The following ARL9 variants were observed in gnomAD, a reference collection of about 807,000 sequenced individuals.
ARL9 encodes the protein ARF like GTPase 9, also known as ADP-ribosylation factor-like protein 9.
Under a neutral mutation model 27.0 loss-of-function variants are expected in ARL9, and 14 were observed. That is an observed-to-expected ratio of 0.52 (90% CI 0.34 to 0.81). ARL9 has a LOEUF of 0.81. Among genes scored for constraint, ARL9 ranks in the 30% least tolerant of loss-of-function variants. ARL9 has a pLI of 0.01. For synonymous variants in ARL9, 106 were observed against 108.7 expected, an observed-to-expected ratio of 0.98 and a Z score of 0.15; for missense variants, 294 against 290.0, an observed-to-expected ratio of 1.01 and a Z score of -0.10.
rs1444307970 is a variant in ARL9 at position 56,523,810 on chromosome 4, A to C, written c.732A>C (p.Ser244=). 3.7e-6 allele frequency: 6 copies of C among 1,613,926 alleles called. No individual in the cohort carries two copies. Among genetic ancestry groups the C allele is most frequent in the Non-Finnish European group, 4.2e-6 (5 of 1,179,896 alleles). The change falls in exon 4 of 4, where the codon TCA becomes TCC. Residue 244 remains serine, a synonymous_variant. Transcript: ENST00000640821. ...GAACCTACCTGACTAAGAATGGCTCAGAGATACCCTCCACCATGCAAGATG... is the reference window on the plus strand; with the variant it reads ...GAACCTACCTGACTAAGAATGGCTCCGAGATACCCTCCACCATGCAAGATG... ...LFGTYLTKNG[S]EIPSTMQDAK...
At chr4:56,514,799 C>T (rs748554885) in intron 2 of ARL9, among the ~76,000 whole-genome samples, 1 of 152,070 alleles carries the variant, frequency 6.6e-6, no homozygotes, top group Non-Finnish European at 1.5e-5. Context: ...CTCCAACTCA[C>T]GGTATGAGGT....
At chr4:56,506,619 AC>A in intron 1 of ARL9, 2 of 985,342 alleles carry the variant, frequency 2.0e-6, no homozygotes, top group Non-Finnish European at 2.4e-6. Flanking sequence ...TTGTTTTCAG[AC>A]CACCAGTACC....
At position 56,523,904 on chromosome 4, in the gene ARL9, C is replaced by T. The variant is rs773988126; in HGVS notation, c.*28C>T. The T allele has an allele frequency of 1.3e-5, 21 of 1,588,254 alleles. No homozygotes were observed. The highest frequency in any genetic ancestry group is 1.7e-4 in the Middle Eastern group (1 of 5,890). On this transcript the variant is annotated 3_prime_UTR_variant, in exon 4 of 4. Coordinates refer to ENST00000640821, the MANE Select transcript of ARL9 (RefSeq NM_001363794.2). ...AGGACTCAGCCCACTGTGCGGCTCA[C>T]GACTGAGATGTCATCAGTGTTGAAT...
At position 56,505,811 on chromosome 4, in the gene ARL9, C is replaced by T; in HGVS notation, c.-52C>T. 2 of 1,299,100 alleles carry T rather than the reference C, an allele frequency of 1.5e-6. No homozygotes were observed. The highest frequency in any genetic ancestry group is 3.0e-5 in the East Asian group (1 of 32,946). 80.5% of individuals were successfully genotyped at this position (1,299,100 alleles called of 1,614,324 possible). On this transcript the variant is annotated 5_prime_UTR_variant, in exon 1 of 4. Transcript: ENST00000640821. ...GAGCCACACCTGGGGCCCAGAGCCACCGCTCAGCACGCGGGCACGCGGCGG... is the reference window on the plus strand; with the variant it reads ...GAGCCACACCTGGGGCCCAGAGCCATCGCTCAGCACGCGGGCACGCGGCGG...
chr4:56,513,262 T>TA (rs1401749304), intron 2 of ARL9, among the ~76,000 whole-genome samples: 1 of 152,222 alleles, frequency 6.6e-6, no homozygotes, highest in Non-Finnish European at 1.5e-5. Flanking sequence ...TATGGGCTGT[T>TA]ATGCTGTTGT....
In ARL9 at chr4:56,511,348, G is replaced by GTAAGCTCTCTGT. The variant is rs757349511; in HGVS notation, c.442+3_442+14dup. On this transcript the variant is annotated splice_donor_variant, in intron 2 of 3. Transcript: ENST00000640821. LOFTEE classifies it high-confidence loss of function. ...GACAGCCAGATGGAGTTCCTGGAGA[G>GTAAGCTCTCTGT]TAAGCTCTCTGTTCCTTAGTTATAA... 3.1e-6 allele frequency: 5 copies of GTAAGCTCTCTGT among 1,610,868 alleles called. No individual in the cohort carries two copies. The highest frequency in any genetic ancestry group is 1.3e-5 in the African/African-American group (1 of 74,806).
intron 2 of ARL9, among the ~76,000 whole-genome samples, chr4:56,512,984 A>G (rs1252765650): frequency 2.6e-5 from 4 of 152,218 alleles, no homozygotes; most frequent in African/African-American, 7.2e-5. Context: ...TTGTTCAACA[A>G]TGCATACCCA....
intron 1 of ARL9, among the ~76,000 whole-genome samples, chr4:56,507,055 C>G (rs927558078): frequency 6.6e-6 from 1 of 152,116 alleles, no homozygotes; most frequent in African/African-American, 2.4e-5. Context: ...CTCAGCCTCC[C>G]AAAGCGCTGG....
intron 3 of ARL9, among the ~76,000 whole-genome samples, chr4:56,521,801 T>C (rs992139014): frequency 6.6e-6 from 1 of 152,236 alleles, no homozygotes; most frequent in African/African-American, 2.4e-5. Context: ...AAATTCCTAC[T>C]AGGGTGTTTA....
rs79958106 is a variant in ARL9 at position 56,524,318 on chromosome 4, C to T, written c.*442C>T. 0.017 allele frequency: 2,664 copies of T among 155,828 alleles called. 65 individuals carry two copies. The highest frequency in any genetic ancestry group is 0.06 in the African/African-American group (2,485 of 41,604). 9.7% of individuals were successfully genotyped at this position (155,828 alleles called of 1,614,324 possible). A position where few individuals can be genotyped will look rare whatever the true frequency, so the allele number is the denominator to read the frequency against. On this transcript the variant is annotated 3_prime_UTR_variant, in exon 4 of 4. Transcript: ENST00000640821. ...GAATCAGTCTCCCTGAGAATACCAACGGACAACTGTACAAAGATAATGCTA... is the reference window on the plus strand; with the variant it reads ...GAATCAGTCTCCCTGAGAATACCAATGGACAACTGTACAAAGATAATGCTA...
chr4:56,510,613 T>C (rs1188821171), intron 1 of ARL9, among the ~76,000 whole-genome samples: 2 of 152,172 alleles, frequency 1.3e-5, no homozygotes, highest in East Asian at 3.9e-4. Flanking sequence ...GCACTGCTCA[T>C]AAATGCTGAT....
chr4:56,510,688 A>AATGT (rs1721613520), intron 1 of ARL9, among the ~76,000 whole-genome samples: 1 of 152,190 alleles, frequency 6.6e-6, no homozygotes, highest in Non-Finnish European at 1.5e-5. Flanking sequence ...TGAAATTAGT[A>AATGT]TCACATAATG....
At chr4:56,522,802 C>T (rs1000966458) in intron 3 of ARL9, among the ~76,000 whole-genome samples, 2 of 152,268 alleles carry the variant, frequency 1.3e-5, no homozygotes, top group South Asian at 2.1e-4. Context: ...AAGCCTCCCC[C>T]ATCTCTTTCC....
chr4:56,519,072 C>G (rs1179981275), intron 3 of ARL9, among the ~76,000 whole-genome samples: 1 of 152,112 alleles, frequency 6.6e-6, no homozygotes, highest in Non-Finnish European at 1.5e-5. Flanking sequence ...AGGAATTCAA[C>G]AGATGTGTGT....
chr4:56,509,201 C>CTTTTCTTTTTTTTTTTTTTTT (rs1553949438), intron 1 of ARL9, among the ~76,000 whole-genome samples: 2 of 133,352 alleles, frequency 1.5e-5, no homozygotes, highest in African/African-American at 2.9e-5. Context: ...TTTTCTTTTT[C>CTTTTCTTTTTTTTTTTTTTTT]TTTTTTTTGT....
At chr4:56,505,600 C>A, upstream of ARL9, 1 of 604,722 alleles carries the variant, frequency 1.7e-6, no homozygotes, top group South Asian at 1.8e-5. Context: ...TTTCGCTTGG[C>A]TGGGCTCAAT....
intron 2 of ARL9, among the ~76,000 whole-genome samples, chr4:56,518,195 C>A (rs1389621718): frequency 6.6e-6 from 1 of 152,026 alleles, no homozygotes; most frequent in Non-Finnish European, 1.5e-5. Context: ...ACCACACCGG[C>A]TCATTTTTTA....
chr4:56,510,034 C>A (rs1033355438), intron 1 of ARL9, among the ~76,000 whole-genome samples: 2 of 151,756 alleles, frequency 1.3e-5, no homozygotes, highest in African/African-American at 4.8e-5. Flanking sequence ...TTTCTATAAC[C>A]TTTTCATTTA....
intron 3 of ARL9, among the ~76,000 whole-genome samples, chr4:56,522,429 A>T (rs990749101): frequency 1.3e-5 from 2 of 151,890 alleles, no homozygotes; most frequent in Non-Finnish European, 2.9e-5. Flanking sequence ...TCAAAAAAAA[A>T]TAGGTTCATA....
Sources: allele counts gnomAD v4.1 joint callset (sites outside exome capture counted in the v4.1 genomes callset), GRCh38; gene constraint gnomAD v4.1.1; transcripts MANE v1.5; gene names NCBI Gene and HGNC (gene_info 2026-07-23, HGNC 2026-07-21).